Variants in SLC4A5 observed in about 807,000 individuals in gnomAD.
SLC4A5 encodes the protein solute carrier family 4 member 5.
In SLC4A5, 96 loss-of-function variants were observed where a neutral mutation model predicts 120.4. The ratio of observed to expected loss-of-function variants is 0.80; its 90% CI spans 0.68 to 0.94. The LOEUF (loss-of-function observed/expected upper bound fraction) is 0.94. SLC4A5 is among the 40% of genes least tolerant of loss of function. SLC4A5 has a pLI of 0.00. For synonymous variants in SLC4A5, 550 were observed against 571.1 expected (o/e 0.96, Z 0.53); for missense variants, 1,259 against 1,459.5 (o/e 0.86, Z 2.24).
At chr2:74,305,067 G>A (rs2104260755) in intron 6 of SLC4A5, among the ~76,000 whole-genome samples, 1 of 152,308 alleles carries the variant, frequency 6.6e-6, no homozygotes, top group East Asian at 1.9e-4. Flanking sequence ...AAAGTCATAT[G>A]CATTTCTACT....
chr2:74,315,879 A>C (rs902556446), intron 5 of SLC4A5, among the ~76,000 whole-genome samples: 1 of 152,208 alleles, frequency 6.6e-6, no homozygotes, highest in African/African-American at 2.4e-5. Context: ...CATAAAATAT[A>C]GTTGAGAATT....
rs200496672 is a variant in SLC4A5 at position 74,232,420 on chromosome 2, G to A, written c.2774+49C>T. 2.8e-4 allele frequency: 441 copies of A among 1,576,142 alleles called. 1 individual carries two copies. In the African/African-American group the frequency reaches 4.9e-3, roughly 18 times the overall value. On this transcript the variant is annotated intron_variant, in intron 24 of 30. Transcript: ENST00000394019. ...CAGGCAAAGCCAGCTTCTCCTCCCC[G>A]AGTGGGCCCCTCCCCATTGGGTGAT...
chr2:74,326,189 G>A (rs892047560), intron 5 of SLC4A5, among the ~76,000 whole-genome samples: 3 of 152,158 alleles, frequency 2.0e-5, no homozygotes, highest in Non-Finnish European at 2.9e-5. Context: ...ACTAGCTTCA[G>A]CTGATTTGAG....
chr2:74,225,900 AT>A, intron 27 of SLC4A5, among the ~76,000 whole-genome samples: 1 of 152,034 alleles, frequency 6.6e-6, no homozygotes, highest in Non-Finnish European at 1.5e-5. Flanking sequence ...TCTGAGCCTC[AT>A]TTTCTCATCT....
At position 74,259,507 on chromosome 2, in the gene SLC4A5, A is replaced by G. The variant is rs540488531; in HGVS notation, c.867+81T>C. On this transcript the variant is annotated intron_variant, in intron 12 of 30. Coordinates refer to ENST00000394019, the Ensembl canonical transcript of SLC4A5. ...CCTTTGTAGGAGTGGAACTCTGCCC[A>G]TAGGGGATCCCTGCTCCTGAAACCA... 196 of 1,462,940 alleles carry G rather than the reference A, an allele frequency of 1.3e-4. 1 individual carries two copies. The South Asian group carries it at 2.1e-3, about 16-fold the overall frequency. 90.6% of individuals were successfully genotyped at this position (1,462,940 alleles called of 1,614,324 possible).
At chr2:74,321,691 A>T (rs546049139) in intron 5 of SLC4A5, among the ~76,000 whole-genome samples, 12 of 151,758 alleles carry the variant, frequency 7.9e-5, no homozygotes, top group African/African-American at 2.9e-4. Flanking sequence ...GTCATCTAGC[A>T]TGTCTCCTAC....
Position 74,220,126 on chromosome 2 carries a change from G to A in SLC4A5, c.*33+1308C>T, listed in dbSNP as rs184179450. ...TAGGGCACAAGGTAGGAGTGGGACT[G>A]CCCCTGGCATCTTCCCAAGTAACAA... On this transcript the variant is annotated intron_variant, in intron 30 of 30. Coordinates refer to ENST00000394019, the Ensembl canonical transcript of SLC4A5. 3.3e-5 allele frequency among the ~76,000 whole-genome samples: 5 copies of A among 152,344 alleles called. No homozygotes were observed. In the East Asian group the frequency reaches 7.7e-4, roughly 23 times the overall value.
At chr2:74,248,176 A>C (rs1347434468) in intron 18 of SLC4A5, among the ~76,000 whole-genome samples, 177 bp downstream of exon 18, 2 of 152,188 alleles carry the variant, frequency 1.3e-5, no homozygotes, top group Non-Finnish European at 2.9e-5. Context: ...AAGATGTCTT[A>C]AAGGCAGGTA....
intron 7 of SLC4A5, among the ~76,000 whole-genome samples, chr2:74,303,065 T>G (rs1319159550): frequency 6.6e-6 from 1 of 150,756 alleles, no homozygotes; most frequent in Non-Finnish European, 1.5e-5. Flanking sequence ...AGTGTTTTTT[T>G]GTGTGTGTGT....
At chr2:74,293,042 A>G (rs900283843) in intron 7 of SLC4A5, among the ~76,000 whole-genome samples, 5 of 151,006 alleles carry the variant, frequency 3.3e-5, no homozygotes, top group South Asian at 4.3e-4. Flanking sequence ...AGGAGCCAAG[A>G]ACAAGGAAAT....
chr2:74,237,959 G>T (rs573924468), intron 21 of SLC4A5, among the ~76,000 whole-genome samples: 4 of 149,796 alleles, frequency 2.7e-5, no homozygotes, highest in African/African-American at 1.0e-4. Flanking sequence ...AAAATTAGCC[G>T]GGTGTGGTGG....
At chr2:74,314,833 A>T (rs1672913284) in intron 6 of SLC4A5, 112 bp downstream of exon 6, 2 of 954,400 alleles carry the variant, frequency 2.1e-6, no homozygotes, top group African/African-American at 3.2e-5. Context: ...TGGATGAGTC[A>T]GGAAAAGGGA....
chr2:74,267,288 G>A (rs1469895290), intron 8 of SLC4A5, among the ~76,000 whole-genome samples: 1 of 152,100 alleles, frequency 6.6e-6, no homozygotes. Context: ...CCAGTGGTTC[G>A]ATTTCTAGGA....
chr2:74,220,302 C>T (rs951874654), intron 30 of SLC4A5, among the ~76,000 whole-genome samples: 2 of 150,500 alleles, frequency 1.3e-5, no homozygotes, highest in Non-Finnish European at 2.9e-5. Flanking sequence ...TGGCCTTGAA[C>T]CTATTCTTAA....
At chr2:74,219,882 CT>C (rs1184127045) in intron 30 of SLC4A5, among the ~76,000 whole-genome samples, 2 of 152,156 alleles carry the variant, frequency 1.3e-5, no homozygotes, top group Non-Finnish European at 2.9e-5. Context: ...ACACTTTGGG[CT>C]AGAGCATCTT....
At position 74,295,216 on chromosome 2, in the gene SLC4A5, TG is replaced by T. The variant is rs571059701; in HGVS notation, c.271+9272del. Among the ~76,000 whole-genome samples, 26 of 148,012 alleles carry T rather than the reference TG, an allele frequency of 1.8e-4. 1 individual carries two copies. The highest frequency in any genetic ancestry group is 4.7e-4 in the African/African-American group (19 of 40,088). On this transcript the variant is annotated intron_variant, in intron 7 of 30. Coordinates refer to ENST00000394019, the Ensembl canonical transcript of SLC4A5. ...ACGAGGAGACTCAGGAGGGCAGTGA[TG>T]GGGGGTGGGAGTTGCCAAAAATATG...
intron 21 of SLC4A5, among the ~76,000 whole-genome samples, chr2:74,237,429 A>G (rs1670303798): frequency 6.6e-6 from 1 of 152,136 alleles, no homozygotes; most frequent in Admixed American, 6.5e-5. Flanking sequence ...AGATTGAGGG[A>G]TGTGCTCTGG....
intron 22 of SLC4A5, 52 bp from the exon 23 acceptor site, chr2:74,233,615 G>T: frequency 6.5e-7 from 1 of 1,533,222 alleles, no homozygotes; most frequent in African/African-American, 1.4e-5. Flanking sequence ...TTGTCCCAGG[G>T]CACTTGTCGC....
At chr2:74,227,473 A>C in intron 26 of SLC4A5, 1 of 1,587,526 alleles carries the variant, frequency 6.3e-7, no homozygotes, top group Non-Finnish European at 8.6e-7. Context: ...TTTCTTCTGC[A>C]TAGCTGCCTT....
Sources: gnomAD v4.1 joint callset for allele counts (sites outside exome capture counted in the v4.1 genomes callset) on GRCh38, gnomAD v4.1.1 for gene constraint, MANE v1.5 for transcripts, NCBI Gene and HGNC (gene_info 2026-07-23, HGNC 2026-07-21) for gene names.